KIF6: variants seen among roughly 807,000 people sequenced by gnomAD.
KIF6 encodes kinesin-like protein KIF6.
In KIF6, 106 loss-of-function variants were observed where a neutral mutation model predicts 112.7. That is an observed-to-expected ratio of 0.94 (90% CI 0.80 to 1.11). The LOEUF is 1.11. Among genes scored for constraint, KIF6 ranks in the 50% least tolerant of loss-of-function variants. The probability of loss-of-function intolerance (pLI) is 0.00; values close to 1 mark genes in which losing one functional copy is unlikely to be tolerated. For missense variants in KIF6, 929 were observed against 964.0 expected, an observed-to-expected ratio of 0.96 and a Z score of 0.48; for synonymous variants, 339 against 339.9, an observed-to-expected ratio of 1.00 and a Z score of 0.03.
Position 39,363,964 on chromosome 6 carries a change from C to T in KIF6, c.1862-1446G>A, listed in dbSNP as rs78442828. ...GCTCTGTTTCCTCCTACTTTTGAGC[C>T]AAGACATTTCCCGCTAACTTCTTTT... On this transcript the variant is annotated intron_variant, in intron 16 of 22. Transcript: ENST00000287152. Among the ~76,000 whole-genome samples, 1,248 of 152,272 alleles carry T rather than the reference C, an allele frequency of 8.2e-3. 22 individuals carry two copies. Among genetic ancestry groups the T allele is most frequent in the African/African-American group, 0.026 (1,061 of 41,558 alleles).
chr6:39,596,028 A>C, intron 7 of KIF6, 26 bp downstream of exon 7: 1 of 1,568,054 alleles, frequency 6.4e-7, no homozygotes, highest in Non-Finnish European at 8.8e-7. Flanking sequence ...TATAGTTATT[A>C]ATACATCCCA....
Position 39,714,732 on chromosome 6 carries a change from C to T in KIF6, c.211G>A (p.Glu71Lys), listed in dbSNP as rs1210520799. 2 of 1,613,860 alleles carry T rather than the reference C, an allele frequency of 1.2e-6. No homozygotes were observed. Reference sequence around the variant, plus strand: ...TTGGCAATGTTTTCAAAAACGGTCTCTTGGTTTGCATCCTGATCAAAAATT... The same window carrying T: ...TTGGCAATGTTTTCAAAAACGGTCTTTTGGTTTGCATCCTGATCAAAAATT... Reference protein sequence around the residue: ...QRIFDQDANQETVFENIAKPV... With the variant: ...QRIFDQDANQKTVFENIAKPV... Residue 71 changes from glutamate (E) to lysine (K), a missense_variant, in exon 3 of 23, where the codon GAG becomes AAG. Transcript: ENST00000287152.
intron 5 of KIF6, among the ~76,000 whole-genome samples, chr6:39,614,211 T>C (rs994298958): frequency 6.6e-6 from 1 of 152,224 alleles, no homozygotes; most frequent in Non-Finnish European, 1.5e-5. Flanking sequence ...AGAGTTCCTT[T>C]CTACCTCTTA....
At chr6:39,711,993 A>C (rs1416583165) in intron 3 of KIF6, among the ~76,000 whole-genome samples, 1 of 152,168 alleles carries the variant, frequency 6.6e-6, no homozygotes. Context: ...GTTGAAGTAC[A>C]ATGTACAACT....
At chr6:39,660,019 T>C (rs1431998691) in intron 3 of KIF6, among the ~76,000 whole-genome samples, 1 of 152,148 alleles carries the variant, frequency 6.6e-6, no homozygotes, top group Non-Finnish European at 1.5e-5. Flanking sequence ...TTCATTAAAA[T>C]CTCCAATCTG....
rs140041472 is a variant in KIF6 at position 39,402,203 on chromosome 6, G to A, written c.1811-16531C>T. Among the ~76,000 whole-genome samples, 980 of 152,156 alleles carry A rather than the reference G, an allele frequency of 6.4e-3. 8 individuals are homozygous for A. Among genetic ancestry groups the A allele is most frequent in the African/African-American group, 0.022 (927 of 41,532 alleles). ...CTCTTCAATTCAGCTTCTACTTGGGGCAATGGAAAAGGTACGATGTGTTAC... is the reference window on the plus strand; with the variant it reads ...CTCTTCAATTCAGCTTCTACTTGGGACAATGGAAAAGGTACGATGTGTTAC... On this transcript the variant is annotated intron_variant, in intron 15 of 22. Coordinates refer to ENST00000287152, the MANE Select transcript of KIF6 (RefSeq NM_145027.6).
intron 15 of KIF6, among the ~76,000 whole-genome samples, chr6:39,393,620 A>G (rs916264179): frequency 1.3e-5 from 2 of 152,204 alleles, no homozygotes; most frequent in African/African-American, 4.8e-5. Context: ...CTCTGTGTGT[A>G]TGTGTATGTG....
chr6:39,721,530 T>C (rs1267271205), intron 1 of KIF6, among the ~76,000 whole-genome samples: 2 of 152,150 alleles, frequency 1.3e-5, no homozygotes, highest in Non-Finnish European at 2.9e-5. Flanking sequence ...TCCTACTCCA[T>C]CATTTTTATT....
chr6:39,443,087 C>T (rs1772032222), intron 13 of KIF6, among the ~76,000 whole-genome samples: 1 of 148,646 alleles, frequency 6.7e-6, no homozygotes, highest in African/African-American at 2.5e-5. Flanking sequence ...GCACTCCAGC[C>T]TGGGCGACAG....
chr6:39,634,351 A>T (rs565962753), intron 5 of KIF6, among the ~76,000 whole-genome samples: 1 of 152,302 alleles, frequency 6.6e-6, no homozygotes, highest in African/African-American at 2.4e-5. Context: ...GTCATGAAAC[A>T]ATCAGTGCCA....
At chr6:39,642,179 T>C (rs931789269) in intron 3 of KIF6, among the ~76,000 whole-genome samples, 5 of 152,144 alleles carry the variant, frequency 3.3e-5, no homozygotes. Context: ...TGTAATGAAC[T>C]TTGAAAATCC....
chr6:39,616,506 GCACGCTATAAAAGGGTC>G (rs1433963577), intron 5 of KIF6, among the ~76,000 whole-genome samples: 1 of 152,124 alleles, frequency 6.6e-6, no homozygotes, highest in Non-Finnish European at 1.5e-5. Flanking sequence ...TCATTTGTGG[GCACGCTATAAAAGGGTC>G]CACTTCTGGC....
chr6:39,598,059 T>A (rs1782370425), intron 6 of KIF6, among the ~76,000 whole-genome samples: 1 of 152,016 alleles, frequency 6.6e-6, no homozygotes, highest in Non-Finnish European at 1.5e-5. Context: ...TGGTGGGGCA[T>A]GCCTGTAATC....
chr6:39,355,618 C>T (rs1224394086), intron 19 of KIF6, among the ~76,000 whole-genome samples: 3 of 151,792 alleles, frequency 2.0e-5, no homozygotes, highest in Non-Finnish European at 2.9e-5. Flanking sequence ...CATGCACCAC[C>T]ACACCTGGTA....
chr6:39,348,296 G>C (rs1044867968), intron 19 of KIF6, among the ~76,000 whole-genome samples: 2 of 152,164 alleles, frequency 1.3e-5, no homozygotes, highest in Non-Finnish European at 2.9e-5. Flanking sequence ...TGAAAGGTGG[G>C]AGGGGGTGGA....
At chr6:39,692,387 T>C (rs1788267861) in intron 3 of KIF6, among the ~76,000 whole-genome samples, 1 of 152,232 alleles carries the variant, frequency 6.6e-6, no homozygotes, top group Non-Finnish European at 1.5e-5. Context: ...TGTACTCACT[T>C]TTAAACAATC....
At chr6:39,703,809 C>A (rs1789024108) in intron 3 of KIF6, among the ~76,000 whole-genome samples, 1 of 152,140 alleles carries the variant, frequency 6.6e-6, no homozygotes, top group African/African-American at 2.4e-5. Context: ...TTTTGCCAGT[C>A]AATTATAAAG....
chr6:39,360,646 C>A, intron 17 of KIF6, 116 bp from the exon 18 acceptor site: 1 of 1,210,794 alleles, frequency 8.3e-7, no homozygotes, highest in South Asian at 1.4e-5. Context: ...TGCCCTGGTG[C>A]TCAGGGACTG....
intron 13 of KIF6, among the ~76,000 whole-genome samples, chr6:39,434,049 G>A (rs769452604): frequency 1.3e-5 from 2 of 152,078 alleles, no homozygotes; most frequent in South Asian, 2.1e-4. Context: ...GGCAGTTCCC[G>A]TCCCTGAGCA....
Sources: allele counts gnomAD v4.1 joint callset (sites outside exome capture counted in the v4.1 genomes callset), GRCh38; gene constraint gnomAD v4.1.1; transcripts MANE v1.5; gene names NCBI Gene and HGNC (gene_info 2026-07-23, HGNC 2026-07-21).